Variants in CROCC observed in about 807,000 individuals in gnomAD.
The protein encoded by CROCC is ciliary rootlet coiled-coil, rootletin.
Under a neutral mutation model 245.2 loss-of-function variants are expected in CROCC, and 180 were observed. That is an observed-to-expected ratio of 0.73 (90% CI 0.65 to 0.83). CROCC has a LOEUF of 0.83. Among genes scored for constraint, CROCC ranks in the 40% least tolerant of loss-of-function variants. The probability of loss-of-function intolerance (pLI) is 0.00; values close to 1 mark genes in which losing one functional copy is unlikely to be tolerated. For missense variants in CROCC, 2,688 were observed against 2,779.4 expected (o/e 0.97, Z 0.74); for synonymous variants, 1,205 against 1,241.6 (o/e 0.97, Z 0.62).
At chr1:16,972,285 G>A (rs371379985) in intron 36 of CROCC, 75 bp from the exon 37 acceptor site, 34 of 1,164,660 alleles carry the variant, frequency 2.9e-5, no homozygotes, top group East Asian at 1.4e-4. Flanking sequence ...GTGTCCCTCC[G>A]GGTTCCCTGC....
In CROCC at chr1:16,954,571, C is replaced by A. The variant is rs983401416; in HGVS notation, c.3322-163C>A. On this transcript the variant is annotated intron_variant, in intron 22 of 36. Transcript: ENST00000375541. This position sits in a 1 kb window ranked among gnomAD's most constrained non-coding sequence, Gnocchi z 4.4. Reference sequence around the variant, plus strand: ...TGGCGTGAGGGAGAGGCTGGCTACACGGGCAGCACTCACTATGCATCCAGG... The same window carrying A: ...TGGCGTGAGGGAGAGGCTGGCTACAAGGGCAGCACTCACTATGCATCCAGG... Among the ~76,000 whole-genome samples the A allele has an allele frequency of 1.3e-5, 2 of 152,200 alleles. No homozygotes were observed. The highest frequency in any genetic ancestry group is 3.2e-3 in the Middle Eastern group (1 of 316).
At chr1:16,970,024 A>G (rs1570723128) in intron 33 of CROCC, 90 bp downstream of exon 33, 2 of 1,463,602 alleles carry the variant, frequency 1.4e-6, no homozygotes, top group Non-Finnish European at 1.8e-6. Flanking sequence ...ACCTCATCCC[A>G]AACCCTGGTG....
chr1:16,940,094 G>A lies in CROCC; in HGVS notation c.1808+1G>A, dbSNP rs1241245605. 1 of 1,598,872 alleles carries A rather than the reference G, an allele frequency of 6.3e-7. No individual in the cohort carries two copies. The highest frequency in any genetic ancestry group is 1.7e-5 in the Admixed American group (1 of 58,102). On this transcript the variant is annotated splice_donor_variant, in intron 13 of 36. Transcript: ENST00000375541. LOFTEE classifies it high-confidence loss of function. The stretch of plus-strand genomic sequence containing the variant: ...GGAGCGCCAACGAGCTCCTGAGCAG[G>A]TGCCGGGGAGGTCTGAGCTGGGGGG...
chr1:16,948,458 T>C lies in CROCC; in HGVS notation c.2642T>C (p.Leu881Pro), dbSNP rs1182934539. Residue 881 changes from leucine to proline, a missense_variant, in exon 18 of 37, where the codon CTG (leucine) becomes CCG (proline). Leu to Pro is a moderately conservative substitution (Grantham distance 98). This residue lies in a region of CROCC where 295 missense variants were observed against 241.7 expected (regional missense o/e 1.22). Coordinates refer to ENST00000375541, the MANE Select transcript of CROCC (RefSeq NM_014675.5). ...KEALAKEHAG[L>P]AVQLVAAERE... is the part of the protein sequence containing the mutation. ...GCGCTAGCCAAGGAGCACGCTGGCC[T>C]GGCTGTGCAGCTGGTGGCTGCGGAG... 6 of 1,560,774 alleles carry C rather than the reference T, an allele frequency of 3.8e-6. No homozygotes were observed. The highest frequency in any genetic ancestry group is 4.3e-6 in the Non-Finnish European group (5 of 1,154,092).
At chr1:16,958,775 G>T (rs778016268) in intron 26 of CROCC, 25 bp downstream of exon 26, 2 of 1,544,116 alleles carry the variant, frequency 1.3e-6, no homozygotes, top group African/African-American at 1.4e-5. Flanking sequence ...GGGCAGGCTG[G>T]TGCATCTTTC....
chr1:16,915,227 A>G (rs1435311206), intron 1 of CROCC, among the ~76,000 whole-genome samples: 2 of 152,394 alleles, frequency 1.3e-5, no homozygotes, highest in African/African-American at 4.8e-5. Flanking sequence ...GGCTGACACC[A>G]TCTGTGGCCC....
chr1:16,922,906 G>A, intron 2 of CROCC, 108 bp downstream of exon 2: 7 of 1,440,498 alleles, frequency 4.9e-6, no homozygotes, highest in Non-Finnish European at 6.5e-6. Context: ...ACTCACTGTG[G>A]GGCAGGCACA....
chr1:16,933,477 G>A (rs1318762082), intron 8 of CROCC, among the ~76,000 whole-genome samples: 1 of 152,210 alleles, frequency 6.6e-6, no homozygotes, highest in Non-Finnish European at 1.5e-5. Flanking sequence ...GAAAAAAAAA[G>A]TCACAGATAG....
chr1:16,960,942 G>A lies in CROCC; in HGVS notation c.4217G>A (p.Ser1406Asn). ...GCTGCAGAGCTGGGCCTGCGGCTGA[G>A]CGCAGCCGAGGGCCGGGCACAAGGC... The part of the protein sequence containing the change: ...AEAAELGLRL[S>N]AAEGRAQGLE... The change falls in exon 27 of 37, where the codon AGC (serine) becomes AAC (asparagine). Residue 1406 changes from serine (S) to asparagine (N), a missense_variant. This residue lies in a region of CROCC where 1,218 missense variants were observed against 1,286.3 expected (regional missense o/e 0.95). Coordinates refer to ENST00000375541, the MANE Select transcript of CROCC (RefSeq NM_014675.5). The A allele has an allele frequency of 7.0e-7, 1 of 1,430,740 alleles. No individual in the cohort carries two copies. The highest frequency in any genetic ancestry group is 9.1e-7 in the Non-Finnish European group (1 of 1,100,780). The allele number at this position is 1,430,740 out of a possible 1,614,324, so 88.6% of individuals were successfully genotyped here.
chr1:16,964,356 T>G (rs2076385388), intron 27 of CROCC, among the ~76,000 whole-genome samples: 1 of 151,514 alleles, frequency 6.6e-6, no homozygotes, highest in Admixed American at 6.6e-5. Flanking sequence ...TTTTCCTTCC[T>G]TCCTTACTTT....
chr1:16,922,576 T>C (rs1234445764), intron 1 of CROCC, 87 bp from the exon 2 acceptor site: 2 of 1,499,456 alleles, frequency 1.3e-6, no homozygotes, highest in South Asian at 1.4e-5. Context: ...ACCTGTATCT[T>C]GGGCAGTAGG....
Position 16,922,305 on chromosome 1 carries a change from G to A in CROCC, c.60+227G>A, listed in dbSNP as rs570276740. On this transcript the variant is annotated intron_variant, in intron 1 of 36. Coordinates refer to ENST00000375541, the MANE Select transcript of CROCC (RefSeq NM_014675.5). ...ATCCCAGTGCCCTGGGTTGGGAGAA[G>A]GGGGTCTCTACTGCCAGATTTTAGG... Among the ~76,000 whole-genome samples, 13 of 152,410 alleles carry A rather than the reference G, an allele frequency of 8.5e-5. No homozygotes were observed. In the South Asian group the frequency reaches 2.5e-3, roughly 29 times the overall value.
At position 16,946,414 on chromosome 1, in the gene CROCC, T is replaced by A. The variant is rs2076047814; in HGVS notation, c.2283+9T>A. On this transcript the variant is annotated intron_variant, in intron 16 of 36. Coordinates refer to ENST00000375541, the MANE Select transcript of CROCC (RefSeq NM_014675.5). ...ACCGCCTTGTCGCCCAGGTACGCTG[T>A]GCACCTGCGGGCCCACCTGCCTTGC... 6.2e-7 allele frequency: 1 copy of A among 1,608,186 alleles called. No homozygotes were observed. Among genetic ancestry groups the A allele is most frequent in the South Asian group, 1.1e-5 (1 of 90,556 alleles).
In CROCC at chr1:16,945,654, G is replaced by A. The variant is rs1449918892; in HGVS notation, c.2136+48G>A. 19 of 1,579,994 alleles carry A rather than the reference G, an allele frequency of 1.2e-5. No homozygotes were observed. The Admixed American group carries it at 3.0e-4, about 25-fold the overall frequency. On this transcript the variant is annotated intron_variant, in intron 15 of 36. Transcript: ENST00000375541. ...ACCACAAACCTACCTCTGACCCCCA[G>A]CCCCAAGCCTTGTCACTCTGGCACA...
intron 26 of CROCC, among the ~76,000 whole-genome samples, chr1:16,959,630 C>T (rs2076298397): frequency 6.6e-6 from 1 of 152,340 alleles, no homozygotes; most frequent in South Asian, 2.1e-4. Context: ...GGTTGACTCT[C>T]TAAATGGCAG....
At position 16,954,723 on chromosome 1, in the gene CROCC, C is replaced by T; in HGVS notation, c.3322-11C>T. On this transcript the variant is annotated splice_polypyrimidine_tract_variant and intron_variant, in intron 22 of 36. Transcript: ENST00000375541. The surrounding 1 kb of genome is among the most constrained non-coding windows in gnomAD (Gnocchi z 4.4). ...CAGCAGGACCAAGTCTGAGGAGCCC[C>T]TCTGTCCCAGAGCACCGTGAACGCT... The T allele has an allele frequency of 6.5e-7, 1 of 1,545,380 alleles. No individual in the cohort carries two copies.
At chr1:16,963,722 T>C (rs985057715) in intron 27 of CROCC, among the ~76,000 whole-genome samples, 5 of 151,400 alleles carry the variant, frequency 3.3e-5, no homozygotes, top group African/African-American at 1.2e-4. Context: ...GCAGGAGTGC[T>C]GCCAGGGAGT....
At chr1:16,916,608 G>C (rs1302657188) in intron 1 of CROCC, among the ~76,000 whole-genome samples, 1 of 152,284 alleles carries the variant, frequency 6.6e-6, no homozygotes, top group African/African-American at 2.4e-5. Context: ...CCAGGCTCAA[G>C]CAATCCTCCT....
intron 17 of CROCC, 29 bp from the exon 18 acceptor site, chr1:16,948,302 G>A: frequency 6.5e-7 from 1 of 1,530,872 alleles, no homozygotes; most frequent in East Asian, 2.3e-5. Flanking sequence ...GACGCTGGGA[G>A]TGCTACTCAG....
Sources: gnomAD v4.1 joint callset for allele counts (sites outside exome capture counted in the v4.1 genomes callset) on GRCh38, gnomAD v4.1.1 for gene constraint, gnomAD v4.1.1 regional missense constraint, Gnocchi (gnomAD v3.1) non-coding constraint, MANE v1.5 for transcripts, NCBI Gene and HGNC (gene_info 2026-07-23, HGNC 2026-07-21) for gene names.